Variants in CCDC40 observed in about 807,000 individuals in gnomAD.
CCDC40 encodes the protein coiled-coil domain 40 molecular ruler complex subunit.
In CCDC40, 104 loss-of-function variants were observed where a neutral mutation model predicts 124.5. The observed-to-expected ratio is 0.84, with a 90% confidence interval of 0.71 to 0.98. The LOEUF (loss-of-function observed/expected upper bound fraction) is 0.98. CCDC40 is among the 50% of genes least tolerant of loss of function. The probability of loss-of-function intolerance (pLI) is 0.00; values close to 1 mark genes in which losing one functional copy is unlikely to be tolerated. For synonymous variants in CCDC40, 580 were observed against 602.9 expected (o/e 0.96, Z 0.56); for missense variants, 1,463 against 1,503.9 (o/e 0.97, Z 0.45).
At chr17:80,047,482 G>A (rs897691219) in intron 4 of CCDC40, 80 bp downstream of exon 4, 38 of 1,466,602 alleles carry the variant, frequency 2.6e-5, no homozygotes, top group African/African-American at 4.2e-5. Context: ...GATGCCACTC[G>A]TTTGTCATCC....
chr17:80,078,204 G>A lies in CCDC40; in HGVS notation c.1563-3342G>A, dbSNP rs9907640. ...AAATTAGCCGGGCGTGGTGGCGGGCGCCTGTAGTCCCAGCTACTTGGGAGG... is the reference window on the plus strand; with the variant it reads ...AAATTAGCCGGGCGTGGTGGCGGGCACCTGTAGTCCCAGCTACTTGGGAGG... On this transcript the variant is annotated intron_variant, in intron 10 of 19. Coordinates refer to ENST00000397545, the MANE Select transcript of CCDC40 (RefSeq NM_017950.4). Among the ~76,000 whole-genome samples the A allele has an allele frequency of 8.2e-3, 1,245 of 151,866 alleles. 5 individuals carry two copies. The highest frequency in any genetic ancestry group is 0.017 in the Middle Eastern group (5 of 294).
At chr17:80,057,646 G>A (rs113196316) in intron 7 of CCDC40, among the ~76,000 whole-genome samples, 2,175 of 152,122 alleles carry the variant, frequency 0.014, 41 homozygotes, top group African/African-American at 0.05. Flanking sequence ...GGAGGCCAAG[G>A]TGGGTGGATC....
chr17:80,096,426 G>A (rs1397919127), intron 18 of CCDC40, among the ~76,000 whole-genome samples: 1 of 152,154 alleles, frequency 6.6e-6, no homozygotes, highest in Non-Finnish European at 1.5e-5. Flanking sequence ...AGTTTCTGGA[G>A]AGAGGCGGCA....
At position 80,099,634 on chromosome 17, in the gene CCDC40, G is replaced by A. The variant is rs373348755; in HGVS notation, c.3288G>A (p.Glu1096=). 4.8e-5 allele frequency: 77 copies of A among 1,613,548 alleles called. 1 individual carries two copies. The highest frequency in any genetic ancestry group is 1.0e-4 in the Admixed American group (6 of 60,010). Reference sequence around the variant, plus strand: ...GCTCCAAGCAGTCCCTAGTGCTGGAGCGCCAGCGCCTGGACAAGCGACTGG... The same window carrying A: ...GCTCCAAGCAGTCCCTAGTGCTGGAACGCCAGCGCCTGGACAAGCGACTGG... The part of the protein sequence containing the change: ...LFRSKQSLVL[E]RQRLDKRLAL... The change falls in exon 20 of 20, where the codon GAG becomes GAA. Residue 1096 remains glutamate (E), a synonymous_variant. Coordinates refer to ENST00000397545, the MANE Select transcript of CCDC40 (RefSeq NM_017950.4).
intron 18 of CCDC40, among the ~76,000 whole-genome samples, chr17:80,096,836 C>T (rs1393896653): frequency 1.3e-5 from 2 of 152,238 alleles, no homozygotes; most frequent in African/African-American, 4.8e-5. Flanking sequence ...ACGAACACCA[C>T]ACAGATGGCC....
rs1031366561 is a variant in CCDC40, at chr17:80,087,512, G to A, written c.2450-95G>A. Reference sequence around the variant, plus strand: ...GGGGATGAAGGGAGCTACAGGGAGAGACAAAACCTGGCTCACCTCTCGGAC... The same window carrying A: ...GGGGATGAAGGGAGCTACAGGGAGAAACAAAACCTGGCTCACCTCTCGGAC... On this transcript the variant is annotated intron_variant, in intron 14 of 19. Coordinates refer to ENST00000397545, the MANE Select transcript of CCDC40 (RefSeq NM_017950.4). This position sits in a 1 kb window ranked among gnomAD's most constrained non-coding sequence, Gnocchi z 4.5. The A allele has an allele frequency of 7.3e-6, 7 of 954,752 alleles. No homozygotes were observed. The East Asian group carries it at 1.8e-4, about 24-fold the overall frequency. 59.1% of individuals were successfully genotyped at this position (954,752 alleles called of 1,614,324 possible).
chr17:80,098,377 C>T (rs367750224), intron 19 of CCDC40, among the ~76,000 whole-genome samples: 3 of 152,362 alleles, frequency 2.0e-5, no homozygotes, highest in East Asian at 3.9e-4. Flanking sequence ...GGCTCCCGCG[C>T]GCTCTAAGAT....
rs558209625 is a variant in CCDC40 at position 80,072,611 on chromosome 17, C to T, written c.1562+7005C>T. Among the ~76,000 whole-genome samples the T allele has an allele frequency of 9.9e-5, 15 of 152,268 alleles. No homozygotes were observed. In the East Asian group the frequency reaches 2.3e-3, roughly 23 times the overall value. ...ATTGCATACCTCCAGCCCTGGCAACCGCTGTGCCGCCTTCTGTGCCTATAG... is the reference window on the plus strand; with the variant it reads ...ATTGCATACCTCCAGCCCTGGCAACTGCTGTGCCGCCTTCTGTGCCTATAG... On this transcript the variant is annotated intron_variant, in intron 10 of 19. Coordinates refer to ENST00000397545, the MANE Select transcript of CCDC40 (RefSeq NM_017950.4).
At chr17:80,088,368 C>T in intron 16 of CCDC40, 4 of 496,440 alleles carry the variant, frequency 8.1e-6, no homozygotes, top group Non-Finnish European at 1.5e-5. Context: ...TTTCCTGCCT[C>T]AACCTCCTGA....
chr17:80,099,032 C>A (rs1356214719), intron 19 of CCDC40, among the ~76,000 whole-genome samples: 28 of 150,686 alleles, frequency 1.9e-4, no homozygotes, highest in African/African-American at 6.8e-4. Context: ...CCTGTAATCC[C>A]AGCACTTTGG....
At chr17:80,044,714 A>ATATCT (rs1234367819) in intron 3 of CCDC40, among the ~76,000 whole-genome samples, 1 of 76,738 alleles carries the variant, frequency 1.3e-5, no homozygotes, top group African/African-American at 4.3e-5. Context: ...AACAAAAAAA[A>ATATCT]AAATATATAT....
chr17:80,040,017 C>G lies in CCDC40; in HGVS notation c.299C>G (p.Thr100Ser). 5 of 1,614,168 alleles carry G rather than the reference C, an allele frequency of 3.1e-6. No individual in the cohort carries two copies. The highest frequency in any genetic ancestry group is 4.2e-6 in the Non-Finnish European group (5 of 1,180,002). The change falls in exon 3 of 20, where the codon ACT becomes AGT. Residue 100 changes from threonine (T) to serine (S), a missense_variant. Transcript: ENST00000397545. Reference sequence around the variant, plus strand: ...GAAGAGGAATATTACTATACAGAAACTTCATCCCCGGAAGGGCAAATCAGT... The same window carrying G: ...GAAGAGGAATATTACTATACAGAAAGTTCATCCCCGGAAGGGCAAATCAGT... ...ESEEEYYYTE[T>S]SSPEGQISAA...
intron 7 of CCDC40, among the ~76,000 whole-genome samples, chr17:80,057,101 T>C (rs573087227): frequency 2.0e-5 from 3 of 151,830 alleles, no homozygotes; most frequent in African/African-American, 7.2e-5. Flanking sequence ...TACTTTGGAA[T>C]TTAGCTACTG....
intron 10 of CCDC40, among the ~76,000 whole-genome samples, chr17:80,074,785 A>C (rs1282597091): frequency 6.6e-6 from 1 of 152,192 alleles, no homozygotes; most frequent in Non-Finnish European, 1.5e-5. Context: ...GCAGTAATAC[A>C]GTCTGTAAAG....
In CCDC40 at chr17:80,097,238, C is replaced by G; in HGVS notation, c.3022-7C>G. On this transcript the variant is annotated splice_region_variant and splice_polypyrimidine_tract_variant and intron_variant, in intron 18 of 19. Coordinates refer to ENST00000397545, the MANE Select transcript of CCDC40 (RefSeq NM_017950.4). ...AGGGGCCCAGCATGGTCCTGTGATT[C>G]TCCTAGGCCACCGATGAGTGCACCA... 2 of 1,613,916 alleles carry G rather than the reference C, an allele frequency of 1.2e-6. No individual in the cohort carries two copies. Among genetic ancestry groups the G allele is most frequent in the Non-Finnish European group, 1.7e-6 (2 of 1,179,992 alleles).
chr17:80,067,281 T>G, intron 10 of CCDC40: 1 of 515,498 alleles, frequency 1.9e-6, no homozygotes, highest in Non-Finnish European at 3.5e-6. Flanking sequence ...TTGCAAACAT[T>G]GTAAAAATCG....
At chr17:80,071,664 A>G (rs2038190392) in intron 10 of CCDC40, among the ~76,000 whole-genome samples, 1 of 152,108 alleles carries the variant, frequency 6.6e-6, no homozygotes, top group Non-Finnish European at 1.5e-5. Flanking sequence ...CACGGTATTC[A>G]ATAAATTACA....
intron 10 of CCDC40, among the ~76,000 whole-genome samples, chr17:80,073,105 C>T (rs1297858741): frequency 1.3e-5 from 2 of 152,092 alleles, no homozygotes; most frequent in Non-Finnish European, 2.9e-5. Flanking sequence ...CGGGTTCAAG[C>T]AATTCTCCTG....
At chr17:80,093,794 G>A (rs1322379733) in intron 17 of CCDC40, among the ~76,000 whole-genome samples, 2 of 152,156 alleles carry the variant, frequency 1.3e-5, no homozygotes, top group Non-Finnish European at 2.9e-5. Flanking sequence ...GATTACAGGC[G>A]TGAGCCACCG....
Sources: gnomAD v4.1 joint callset for allele counts (sites outside exome capture counted in the v4.1 genomes callset) on GRCh38, gnomAD v4.1.1 for gene constraint, Gnocchi (gnomAD v3.1) non-coding constraint, MANE v1.5 for transcripts, NCBI Gene and HGNC (gene_info 2026-07-23, HGNC 2026-07-21) for gene names.